COX15: variants seen among roughly 807,000 people sequenced by gnomAD.
COX15 encodes heme A synthase COX15.
Under a neutral mutation model 51.9 loss-of-function variants are expected in COX15, and 51 were observed. The observed-to-expected ratio is 0.98, with a 90% CI of 0.78 to 1.24. The LOEUF (loss-of-function observed/expected upper bound fraction) is 1.24, where lower values mean the gene tolerates loss of function less well. Ranked by LOEUF, COX15 falls within the 50% of genes most tolerant of loss-of-function variation. The pLI, the probability that COX15 is intolerant of heterozygous loss-of-function variation, is 0.00. For synonymous variants in COX15, 188 were observed against 190.5 expected (o/e 0.99, Z 0.11); for missense variants, 420 against 501.1 (o/e 0.84, Z 1.55).
At chr10:99,696,023 T>C in the COX15 span, 1 of 1,614,106 alleles carries the variant, frequency 6.2e-7, no homozygotes, top group Non-Finnish European at 8.5e-7. Flanking sequence ...ACTGAACACG[T>C]GTACAGGGTT....
chr10:99,714,867 G>A, intron 8 of COX15, 149 bp from the exon 9 acceptor site: 2 of 1,408,978 alleles, frequency 1.4e-6, no homozygotes, highest in South Asian at 2.5e-5. Context: ...AAGCAAATAT[G>A]CTTACAATGA....
At chr10:99,717,392 G>A (rs966262432) in intron 7 of COX15, among the ~76,000 whole-genome samples, 4 of 151,976 alleles carry the variant, frequency 2.6e-5, no homozygotes, top group Admixed American at 6.6e-5. Flanking sequence ...TTTATTTATC[G>A]TAGAGATGAG....
Position 99,714,402 on chromosome 10 carries a change from G to T in COX15, c.*185C>A, listed in dbSNP as rs2133567051. 6.9e-7 allele frequency: 1 copy of T among 1,444,488 alleles called. No individual in the cohort carries two copies. Among genetic ancestry groups the T allele is most frequent in the South Asian group, 1.4e-5 (1 of 71,964 alleles). 89.5% of individuals were successfully genotyped at this position (1,444,488 alleles called of 1,614,324 possible). The stretch of plus-strand genomic sequence containing the variant: ...GCAGATTTAAAAGGGAACATTTAGG[G>T]TAACCACACTTAATGCATTCTTGAT... On this transcript the variant is annotated 3_prime_UTR_variant, in exon 9 of 9. Transcript: ENST00000016171.
At chr10:99,707,138 ATATG>A (rs1188656933), downstream of COX15, among the ~76,000 whole-genome samples, 1 of 152,044 alleles carries the variant, frequency 6.6e-6, no homozygotes, top group African/African-American at 2.4e-5. Context: ...TTTTCAATAT[ATATG>A]TATTTCTTAT....
Position 99,714,560 on chromosome 10 carries a change from A to G in COX15, c.*27T>C, listed in dbSNP as rs1418309809. The stretch of plus-strand genomic sequence containing the variant: ...CTGAAGAGCTCTCAAAAGCAGTCAC[A>G]GTCCCAGGAGGCTGGTCCTCTAAGA... On this transcript the variant is annotated 3_prime_UTR_variant, in exon 9 of 9. Coordinates refer to ENST00000016171, the MANE Select transcript of COX15 (RefSeq NM_078470.6). 4.3e-6 allele frequency: 7 copies of G among 1,613,756 alleles called. No individual in the cohort carries two copies. The highest frequency in any genetic ancestry group is 5.9e-6 in the Non-Finnish European group (7 of 1,179,902).
chr10:99,712,758 C>G lies in COX15; in HGVS notation c.*1829G>C. On this transcript the variant is annotated 3_prime_UTR_variant, in exon 9 of 9. Coordinates refer to ENST00000016171, the MANE Select transcript of COX15 (RefSeq NM_078470.6). ...TCGCCAGTGTTACTGTCTCCATCAG[C>G]CTGACCCCAGTGAGCATTTGATTTG... 2.6e-6 allele frequency: 1 copy of G among 387,690 alleles called. No individual in the cohort carries two copies. Among genetic ancestry groups the G allele is most frequent in the Non-Finnish European group, 3.5e-6 (1 of 283,534 alleles). The allele number at this position is 387,690 out of a possible 1,614,324, so 24.0% of individuals were successfully genotyped here. A position where few individuals can be genotyped will look rare whatever the true frequency, so the allele number is the denominator to read the frequency against.
At chr10:99,710,290 G>T (rs2036339807), downstream of COX15, 1 of 985,202 alleles carries the variant, frequency 1.0e-6, no homozygotes, top group South Asian at 4.7e-5. Flanking sequence ...ACATACTTTG[G>T]TTTCTAGTGT....
At chr10:99,702,377 C>T in the COX15 span, 1 of 674,238 alleles carries the variant, frequency 1.5e-6, no homozygotes, top group South Asian at 2.2e-5. Flanking sequence ...AAATAACCCA[C>T]TTAGAGGTGA....
chr10:99,712,556 T>A lies in COX15; in HGVS notation c.*2031A>T, dbSNP rs1469546207. On this transcript the variant is annotated 3_prime_UTR_variant, in exon 9 of 9. Coordinates refer to ENST00000016171, the MANE Select transcript of COX15 (RefSeq NM_078470.6). ...GAAATCCAGATGTTCTTCCTTTGTA[T>A]TTGTATTGTCACTGTATGGAATCTA... is the stretch of plus-strand genomic sequence containing the variant. 1 of 985,116 alleles carries A rather than the reference T, an allele frequency of 1.0e-6. No homozygotes were observed. Among genetic ancestry groups the A allele is most frequent in the Admixed American group, 6.1e-5 (1 of 16,294 alleles). The allele number at this position is 985,116 out of a possible 1,614,324, so 61.0% of individuals were successfully genotyped here.
intron 7 of COX15, among the ~76,000 whole-genome samples, chr10:99,717,705 T>C (rs1481580326): frequency 6.6e-6 from 1 of 151,968 alleles, no homozygotes; most frequent in African/African-American, 2.4e-5. Context: ...TCCTTTAAAT[T>C]CTCTCTCAAA....
the COX15 span, among the ~76,000 whole-genome samples, chr10:99,694,538 GTT>G: frequency 4.5e-5 from 6 of 134,444 alleles, no homozygotes; most frequent in African/African-American, 1.1e-4. Flanking sequence ...AAGTTTTTTT[GTT>G]TTTTTTTTTT....
chr10:99,704,488 T>G, the COX15 span: 1 of 1,614,244 alleles, frequency 6.2e-7, no homozygotes, highest in Non-Finnish European at 8.5e-7. Context: ...AAGCCCATGG[T>G]AGCTGGTTCC....
chr10:99,725,341 A>G (rs1389091546), intron 4 of COX15, among the ~76,000 whole-genome samples: 2 of 152,238 alleles, frequency 1.3e-5, no homozygotes, highest in Non-Finnish European at 1.5e-5. Flanking sequence ...AGACGTACAC[A>G]GTTGATTCAC....
Position 99,727,171 on chromosome 10 carries a change from G to A in COX15, c.396-17C>T. On this transcript the variant is annotated splice_polypyrimidine_tract_variant and intron_variant, in intron 3 of 8. Transcript: ENST00000016171. ...TGATTCAAGCTGGGTGAAATGGAAAGTCAAAAAAGGAGGAGGAGGAAACAT... is the reference window on the plus strand; with the variant it reads ...TGATTCAAGCTGGGTGAAATGGAAAATCAAAAAAGGAGGAGGAGGAAACAT... 2 of 1,613,012 alleles carry A rather than the reference G, an allele frequency of 1.2e-6. No homozygotes were observed. Among genetic ancestry groups the A allele is most frequent in the South Asian group, 2.2e-5 (2 of 91,056 alleles).
chr10:99,731,602 T>G (rs2037148483), intron 1 of COX15, among the ~76,000 whole-genome samples: 1 of 152,182 alleles, frequency 6.6e-6, no homozygotes, highest in African/African-American at 2.4e-5. Flanking sequence ...TCTGACTACT[T>G]GGAACTTTTT....
At chr10:99,709,633 T>C (rs2036322853), downstream of COX15, 2 of 985,328 alleles carry the variant, frequency 2.0e-6, no homozygotes, top group Non-Finnish European at 2.4e-6. Context: ...TCTCATAACC[T>C]GGATCTAAGT....
intron 6 of COX15, among the ~76,000 whole-genome samples, chr10:99,718,767 G>C (rs1274060375): frequency 6.6e-6 from 1 of 152,028 alleles, no homozygotes; most frequent in Non-Finnish European, 1.5e-5. Flanking sequence ...GTGGGGGGAG[G>C]GGGAGAGGCT....
chr10:99,731,846 T>C, intron 1 of COX15, 114 bp downstream of exon 1: 5 of 1,338,336 alleles, frequency 3.7e-6, no homozygotes, highest in East Asian at 2.5e-5. Flanking sequence ...CTATGCGTTG[T>C]GAGTGCACTG....
At chr10:99,702,721 G>C in the COX15 span, 1 of 1,505,288 alleles carries the variant, frequency 6.6e-7, no homozygotes, top group Non-Finnish European at 8.9e-7. Flanking sequence ...GAGGATATCA[G>C]TTGATGCCTC....
Sources: allele counts gnomAD v4.1 joint callset (sites outside exome capture counted in the v4.1 genomes callset), GRCh38; gene constraint gnomAD v4.1.1; transcripts MANE v1.5; gene names NCBI Gene and HGNC (gene_info 2026-07-23, HGNC 2026-07-21).